SLC2A14: variants seen among roughly 807,000 people sequenced by gnomAD.
The protein encoded by SLC2A14 is solute carrier family 2 member 14.
SLC2A14 carries 13 observed loss-of-function variants against 43.0 expected under a neutral mutation model. That is an observed-to-expected ratio of 0.30 (90% CI 0.20 to 0.48). The LOEUF is 0.48. SLC2A14 is among the 20% of genes least tolerant of loss of function. The pLI, the probability that SLC2A14 is intolerant of heterozygous loss-of-function variation, is 0.99. For missense variants in SLC2A14, 428 were observed against 620.4 expected, an observed-to-expected ratio of 0.69 and a Z score of 3.29; for synonymous variants, 190 against 233.8, an observed-to-expected ratio of 0.81 and a Z score of 1.71.
intron 2 of SLC2A14, among the ~76,000 whole-genome samples, chr12:7,842,722 C>CTTT (rs59107341): frequency 2.1e-5 from 3 of 139,586 alleles, no homozygotes; most frequent in African/African-American, 2.6e-5. Context: ...TTCTTTTTCT[C>CTTT]TTTTTTTTTT....
rs955168647 is a variant in SLC2A14, at chr12:7,817,996, A to C, written c.1110T>G (p.Ala370=). ...CAAAACAGGCCACAAAGACCAAGAT[A>C]GCCCCAATACAGACAAAGCTCATCC... The part of the protein sequence containing the change: ...YNGMSFVCIG[A]ILVFVACFEI... Residue 370 remains alanine (A), a synonymous_variant, in exon 10 of 11, where the codon GCT becomes GCG. Coordinates refer to ENST00000431042, the MANE Select transcript of SLC2A14 (RefSeq NM_001286234.2). The C allele has an allele frequency of 1.2e-6, 2 of 1,614,000 alleles. No individual in the cohort carries two copies. Among genetic ancestry groups the C allele is most frequent in the African/African-American group, 2.7e-5 (2 of 74,922 alleles).
upstream of SLC2A14, among the ~76,000 whole-genome samples, chr12:7,874,715 T>G (rs1945384383): frequency 9.7e-6 from 1 of 103,216 alleles, no homozygotes; most frequent in Non-Finnish European, 1.9e-5. Flanking sequence ...TAAATATGTA[T>G]ATAAATATAT....
chr12:7,865,473 G>C lies in SLC2A14; in HGVS notation c.18+4390C>G, dbSNP rs767240680. Among the ~76,000 whole-genome samples the C allele has an allele frequency of 3.3e-5, 5 of 151,946 alleles. No homozygotes were observed. In the South Asian group the frequency reaches 8.3e-4, roughly 25 times the overall value. ...AATCTCTTGAACCTGGGAGGCGGAG[G>C]TTACAGTGAGCCGAGATCGTGCCAC... On this transcript the variant is annotated intron_variant, in intron 2 of 10. Transcript: ENST00000431042.
chr12:7,888,723 G>C (rs933644376), intron 1 of SLC2A14, among the ~76,000 whole-genome samples: 10 of 149,094 alleles, frequency 6.7e-5, no homozygotes, highest in Non-Finnish European at 1.2e-4. Context: ...ACTTGAACCT[G>C]GGAGGTAGAG....
intron 2 of SLC2A14, among the ~76,000 whole-genome samples, chr12:7,856,877 G>A (rs764188545): frequency 4.7e-5 from 7 of 150,454 alleles, no homozygotes; most frequent in South Asian, 2.1e-4. Context: ...TCGCCCTGTC[G>A]CTCAGGTTGG....
In SLC2A14 at chr12:7,812,652, A is replaced by C. The variant is rs775537666; in HGVS notation, c.*1664T>G. On this transcript the variant is annotated 3_prime_UTR_variant, in exon 11 of 11. Transcript: ENST00000431042. ...TGCCTTACTGCCAAACTGAGGAGCCAGAAGTTGACGTGAAGTTGGAAGGCC... is the reference window on the plus strand; with the variant it reads ...TGCCTTACTGCCAAACTGAGGAGCCCGAAGTTGACGTGAAGTTGGAAGGCC... 6.6e-6 allele frequency: 1 copy of C among 152,340 alleles called. No individual in the cohort carries two copies. The highest frequency in any genetic ancestry group is 1.5e-5 in the Non-Finnish European group (1 of 68,024). 9.4% of individuals were successfully genotyped at this position (152,340 alleles called of 1,614,324 possible).
rs1864731107 is a variant in SLC2A14 at position 7,828,773 on chromosome 12, G to A, written c.607C>T (p.Leu203Phe). ...CTGGGACTTTCAGGGCAACATGGAA[G>A]GGCTGCACTTTGCAGGATAGCTGGA... is the stretch of plus-strand genomic sequence containing the variant. ...ILPAILQSAALPCCPESPRFL... is the reference protein window; with the variant it reads ...ILPAILQSAAFPCCPESPRFL... The change falls in exon 6 of 11, where the codon CTT becomes TTT. Residue 203 changes from leucine (L) to phenylalanine (F), a missense_variant. Around this residue, in one of 4 missense-constraint regions of SLC2A14, gnomAD observed 185 missense variants for 275.4 expected, o/e 0.67. Transcript: ENST00000431042. 1.2e-6 allele frequency: 2 copies of A among 1,614,146 alleles called. No homozygotes were observed. The highest frequency in any genetic ancestry group is 1.7e-6 in the Non-Finnish European group (2 of 1,180,024).
intron 7 of SLC2A14, among the ~76,000 whole-genome samples, chr12:7,822,443 A>T (rs7960339): frequency 0.11 from 17,236 of 151,336 alleles, 2,600 homozygotes; most frequent in African/African-American, 0.34. Flanking sequence ...CGAGGCGGGC[A>T]GATCACGAGG....
intron 10 of SLC2A14, 46 bp from the exon 11 acceptor site, chr12:7,814,580 C>A: frequency 1.3e-6 from 2 of 1,574,206 alleles, no homozygotes; most frequent in South Asian, 2.3e-5. Context: ...AAAATCTGGT[C>A]ATTGACAAAT....
chr12:7,851,353 G>A (rs939286145), intron 2 of SLC2A14, among the ~76,000 whole-genome samples: 1 of 152,108 alleles, frequency 6.6e-6, no homozygotes, highest in Non-Finnish European at 1.5e-5. Context: ...CCGGAAGAAA[G>A]GTGAAAAATT....
chr12:7,831,903 G>A (rs1565519939), intron 3 of SLC2A14, 139 bp from the exon 4 acceptor site: 5 of 998,334 alleles, frequency 5.0e-6, no homozygotes, highest in Non-Finnish European at 2.9e-6. Flanking sequence ...GAGGTCAGGA[G>A]TTGCAGACCA....
intron 1 of SLC2A14, 84 bp from the exon 2 acceptor site, chr12:7,870,021 C>A: frequency 1.5e-6 from 1 of 657,560 alleles, no homozygotes. Context: ...AGCCCCCTCG[C>A]CAATGGACAC....
chr12:7,842,955 C>T (rs1328078559), intron 2 of SLC2A14, among the ~76,000 whole-genome samples: 6 of 151,886 alleles, frequency 4.0e-5, no homozygotes, highest in South Asian at 2.1e-4. Context: ...CTCGAACTCC[C>T]GACCTCAGGT....
At chr12:7,820,775 CTCT>C (rs375614648) in intron 8 of SLC2A14, among the ~76,000 whole-genome samples, 1 of 152,214 alleles carries the variant, frequency 6.6e-6, no homozygotes, top group African/African-American at 2.4e-5. Context: ...TTGAATGTAT[CTCT>C]TTTTTCCAAA....
intron 10 of SLC2A14, 92 bp downstream of exon 10, chr12:7,817,739 A>AATATAT: frequency 5.1e-5 from 40 of 776,724 alleles, no homozygotes; most frequent in Non-Finnish European, 6.9e-5. Context: ...CAGTCTCAAA[A>AATATAT]ATATATATAT....
chr12:7,826,125 G>A (rs867773659), intron 7 of SLC2A14, among the ~76,000 whole-genome samples: 24 of 151,954 alleles, frequency 1.6e-4, no homozygotes, highest in African/African-American at 5.5e-4. Flanking sequence ...CCAGTAATAC[G>A]TGTGGCCTAC....
intron 2 of SLC2A14, among the ~76,000 whole-genome samples, chr12:7,849,198 A>C (rs1866719018): frequency 6.6e-6 from 1 of 152,096 alleles, no homozygotes; most frequent in Non-Finnish European, 1.5e-5. Context: ...GGGCAAGATA[A>C]CATCTTGATA....
chr12:7,874,799 A>C (rs377724427), upstream of SLC2A14, among the ~76,000 whole-genome samples: 14 of 100,316 alleles, frequency 1.4e-4, 1 homozygote, highest in South Asian at 5.9e-4. Context: ...ATATATAAAT[A>C]ATATATAAAT....
chr12:7,870,906 G>C (rs1467999908), intron 1 of SLC2A14: 1 of 1,395,042 alleles, frequency 7.2e-7, no homozygotes, highest in Non-Finnish European at 9.6e-7. Context: ...ACAGCACAAG[G>C]GGCCACATCC....
Sources: allele counts gnomAD v4.1 joint callset (sites outside exome capture counted in the v4.1 genomes callset), GRCh38; gene constraint gnomAD v4.1.1; regional missense constraint gnomAD v4.1.1; transcripts MANE v1.5; gene names NCBI Gene and HGNC (gene_info 2026-07-23, HGNC 2026-07-21).